KCNQ1: variants seen among roughly 807,000 people sequenced by gnomAD.
KCNQ1 encodes potassium voltage-gated channel subfamily KQT member 1.
KCNQ1 carries 49 observed loss-of-function variants against 72.4 expected under a neutral mutation model. The observed-to-expected ratio is 0.68, with a 90% CI of 0.54 to 0.86. The LOEUF is 0.86. Among genes scored for constraint, KCNQ1 ranks in the 40% least tolerant of loss-of-function variants. KCNQ1 has a pLI of 0.00. For synonymous variants in KCNQ1, 450 were observed against 412.6 expected, an observed-to-expected ratio of 1.09 and a Z score of -1.10; for missense variants, 790 against 945.1, an observed-to-expected ratio of 0.84 and a Z score of 2.15.
Position 2,848,642 on chromosome 11 carries a change from G to C in KCNQ1, c.*639G>C. 1 of 452,012 alleles carries C rather than the reference G, an allele frequency of 2.2e-6. No homozygotes were observed. Among genetic ancestry groups the C allele is most frequent in the South Asian group, 1.6e-5 (1 of 64,448 alleles). The allele number at this position is 452,012 out of a possible 1,614,324, so 28.0% of individuals were successfully genotyped here. On this transcript the variant is annotated 3_prime_UTR_variant, in exon 16 of 16. Transcript: ENST00000155840. ...CACCATTTCCCCAGGGCACGTGGTT[G>C]AGTGGGGGGAACGCCCACTTCCCTG...
At chr11:2,777,517 A>T in intron 14 of KCNQ1, 1 of 538,244 alleles carries the variant, frequency 1.9e-6, no homozygotes, top group Non-Finnish European at 3.2e-6. Flanking sequence ...GCTGTGAGTC[A>T]TTCCGGGGAA....
Position 2,595,843 on chromosome 11 carries a change from A to G in KCNQ1, c.1393+6989A>G, listed in dbSNP as rs1187184101. Among the ~76,000 whole-genome samples, 1 of 152,240 alleles carries G rather than the reference A, an allele frequency of 6.6e-6. No individual in the cohort carries two copies. The highest frequency in any genetic ancestry group is 1.9e-4 in the East Asian group (1 of 5,206). ...CCATAGATAGCGATTGCTTTGATGA[A>G]TCTGGGCAAAGTAAATTGAAAACAT... On this transcript the variant is annotated intron_variant, in intron 10 of 15. Transcript: ENST00000155840. This position sits in a 1 kb window ranked among gnomAD's most constrained non-coding sequence, Gnocchi z 5.0.
At chr11:2,793,268 A>G (rs966348541) in intron 15 of KCNQ1, among the ~76,000 whole-genome samples, 4 of 152,198 alleles carry the variant, frequency 2.6e-5, no homozygotes, top group African/African-American at 9.7e-5. Flanking sequence ...TAACGGGTGG[A>G]AATTGCACTA....
intron 11 of KCNQ1, chr11:2,685,026 A>C (rs1036144421): frequency 5.0e-6 from 2 of 398,466 alleles, no homozygotes; most frequent in African/African-American, 2.1e-5. Flanking sequence ...TCCCTGTCTC[A>C]TGGGTGAGCA....
chr11:2,796,631 G>A (rs1171893511), intron 15 of KCNQ1, among the ~76,000 whole-genome samples: 1 of 150,900 alleles, frequency 6.6e-6, no homozygotes, highest in Non-Finnish European at 1.5e-5. Context: ...TCAGCCCCTC[G>A]GGGCCGTGTC....
intron 11 of KCNQ1, chr11:2,685,095 G>GAA: frequency 2.5e-6 from 1 of 398,660 alleles, no homozygotes; most frequent in Non-Finnish European, 4.4e-6. Context: ...TCCAGGGAAG[G>GAA]GGCCCTTTTG....
intron 10 of KCNQ1, chr11:2,618,366 C>T: frequency 2.5e-6 from 1 of 398,510 alleles, no homozygotes; most frequent in Non-Finnish European, 4.4e-6. Context: ...TGTTGGGCCT[C>T]ATTAAAGCCA....
chr11:2,672,698 G>C (rs186873369), intron 11 of KCNQ1: 1 of 398,886 alleles, frequency 2.5e-6, no homozygotes, highest in East Asian at 3.6e-5. Context: ...GCTGATGGCA[G>C]AGCCAAGGCC....
In KCNQ1 at chr11:2,710,698, T is replaced by C. The variant is rs1019099259; in HGVS notation, c.1514+48617T>C. 6.6e-6 allele frequency among the ~76,000 whole-genome samples: 1 copy of C among 152,238 alleles called. No individual in the cohort carries two copies. The highest frequency in any genetic ancestry group is 2.4e-5 in the African/African-American group (1 of 41,460). ...CTAACTTTATTCTTTGTCATGTGGA[T>C]AGACAGTTATCCCAACACCATTTGT... On this transcript the variant is annotated intron_variant, in intron 11 of 15. Transcript: ENST00000155840. This position sits in a 1 kb window ranked among gnomAD's most constrained non-coding sequence, Gnocchi z 4.1.
chr11:2,667,034 G>A (rs556194717), intron 11 of KCNQ1: 18 of 398,544 alleles, frequency 4.5e-5, no homozygotes, highest in Non-Finnish European at 7.5e-5. Context: ...GCCCCACATA[G>A]CCCCAGCCAG....
intron 1 of KCNQ1, among the ~76,000 whole-genome samples, chr11:2,456,252 G>A (rs1434391415): frequency 6.6e-6 from 1 of 151,132 alleles, no homozygotes; most frequent in Non-Finnish European, 1.5e-5. Context: ...GCAGGAGATT[G>A]CACCACTGCG....
At chr11:2,604,873 T>G (rs1848858332) in intron 10 of KCNQ1, among the ~76,000 whole-genome samples, 2 of 152,282 alleles carry the variant, frequency 1.3e-5, no homozygotes, top group South Asian at 2.1e-4. Flanking sequence ...ACTGACCAAT[T>G]ATTTCCAAAG....
intron 1 of KCNQ1, among the ~76,000 whole-genome samples, chr11:2,496,921 A>C (rs576711104): frequency 6.8e-4 from 104 of 152,000 alleles, no homozygotes; most frequent in African/African-American, 2.4e-3. Context: ...TCCTTTACTC[A>C]TGAAGCTTAG....
chr11:2,822,540 G>A (rs953407031), intron 15 of KCNQ1, among the ~76,000 whole-genome samples: 19 of 152,222 alleles, frequency 1.2e-4, no homozygotes, highest in Non-Finnish European at 2.9e-5. Context: ...TAGGGTATTA[G>A]CAGAGGTGTC....
At position 2,592,974 on chromosome 11, in the gene KCNQ1, A is replaced by G. The variant is rs1257677948; in HGVS notation, c.1393+4120A>G. 6.6e-6 allele frequency among the ~76,000 whole-genome samples: 1 copy of G among 152,100 alleles called. No individual in the cohort carries two copies. Among genetic ancestry groups the G allele is most frequent in the Admixed American group, 6.5e-5 (1 of 15,274 alleles). ...CTTTCCTGGATCCCAGGAGTCCTGA[A>G]GGAGCCGCCTCCATCCTGAGCTGCC... On this transcript the variant is annotated intron_variant, in intron 10 of 15. Coordinates refer to ENST00000155840, the MANE Select transcript of KCNQ1 (RefSeq NM_000218.3). The surrounding 1 kb of genome is among the most constrained non-coding windows in gnomAD (Gnocchi z 5.2).
Position 2,678,483 on chromosome 11 carries a change from A to C in KCNQ1, c.1514+16402A>C. 5.0e-6 allele frequency: 2 copies of C among 398,522 alleles called. No homozygotes were observed. Among genetic ancestry groups the C allele is most frequent in the East Asian group, 7.1e-5 (2 of 28,084 alleles). 24.7% of individuals were successfully genotyped at this position (398,522 alleles called of 1,614,324 possible). ...TACCTTTATCATATTTCAAACTCTC[A>C]TTTAATTTGTGTCCATTTCTAGACT... is the stretch of plus-strand genomic sequence containing the variant. On this transcript the variant is annotated intron_variant, in intron 11 of 15. Coordinates refer to ENST00000155840, the MANE Select transcript of KCNQ1 (RefSeq NM_000218.3). The surrounding 1 kb of genome is among the most constrained non-coding windows in gnomAD (Gnocchi z 4.9).
chr11:2,607,387 T>C (rs1589978507), intron 10 of KCNQ1, among the ~76,000 whole-genome samples: 1 of 152,296 alleles, frequency 6.6e-6, no homozygotes, highest in East Asian at 1.9e-4. Context: ...CCTCAAAATG[T>C]ATATGTTGAA....
At position 2,481,645 on chromosome 11, in the gene KCNQ1, GCCT is replaced by G. The variant is rs1327833188; in HGVS notation, c.386+36165_386+36167del. ...TCACTCGCATTACCGCGTGAGCTCT[GCCT>G]CCTATCAGATCAGTGGCGGCATTAG... On this transcript the variant is annotated intron_variant, in intron 1 of 15. Transcript: ENST00000155840. This position sits in a 1 kb window ranked among gnomAD's most constrained non-coding sequence, Gnocchi z 4.6. Among the ~76,000 whole-genome samples the G allele has an allele frequency of 6.6e-6, 1 of 152,168 alleles. No individual in the cohort carries two copies. The highest frequency in any genetic ancestry group is 2.4e-5 in the African/African-American group (1 of 41,434).
chr11:2,842,536 G>A (rs1848234580), intron 15 of KCNQ1, among the ~76,000 whole-genome samples: 1 of 152,224 alleles, frequency 6.6e-6, no homozygotes, highest in Non-Finnish European at 1.5e-5. Flanking sequence ...CCAACCCTTG[G>A]GCAGCCCAGA....
Sources: gnomAD v4.1 joint callset for allele counts (sites outside exome capture counted in the v4.1 genomes callset) on GRCh38, gnomAD v4.1.1 for gene constraint, Gnocchi (gnomAD v3.1) non-coding constraint, MANE v1.5 for transcripts, NCBI Gene and HGNC (gene_info 2026-07-23, HGNC 2026-07-21) for gene names.